The following CAPN11 variants were observed in gnomAD, a reference collection of about 807,000 sequenced individuals.
CAPN11 encodes calpain 11.
Under a neutral mutation model 105.3 loss-of-function variants are expected in CAPN11, and 108 were observed. The observed-to-expected ratio is 1.03, with a 90% CI of 0.88 to 1.20. CAPN11 has a LOEUF of 1.20. Among genes scored for constraint, CAPN11 ranks in the 50% most tolerant of loss-of-function variants. CAPN11 has a pLI of 0.00. For synonymous variants in CAPN11, 329 were observed against 344.5 expected (o/e 0.96, Z 0.50); for missense variants, 883 against 924.8 (o/e 0.95, Z 0.59).
Position 44,180,913 on chromosome 6 carries a change from A to G in CAPN11, c.1805-20A>G. On this transcript the variant is annotated intron_variant, in intron 17 of 22. Coordinates refer to ENST00000398776, the MANE Select transcript of CAPN11 (RefSeq NM_007058.4). ...CTCATTTACCCTGTCTCTCCTTTCTACCCCTTCCCTTCCTCACAGTCAAAA... is the reference window on the plus strand; with the variant it reads ...CTCATTTACCCTGTCTCTCCTTTCTGCCCCTTCCCTTCCTCACAGTCAAAA... 6.2e-7 allele frequency: 1 copy of G among 1,610,988 alleles called. No individual in the cohort carries two copies. The highest frequency in any genetic ancestry group is 1.1e-5 in the South Asian group (1 of 90,974).
intron 11 of CAPN11, 50 bp downstream of exon 11, chr6:44,177,048 C>A (rs751926360): frequency 1.3e-6 from 2 of 1,576,144 alleles, no homozygotes; most frequent in African/African-American, 1.3e-5. Context: ...GAAGGATGGG[C>A]CACGGCTCAC....
chr6:44,173,398 A>G lies in CAPN11; in HGVS notation c.831+12A>G, dbSNP rs1448093112. 17 of 1,575,426 alleles carry G rather than the reference A, an allele frequency of 1.1e-5. No individual in the cohort carries two copies. Among genetic ancestry groups the G allele is most frequent in the Non-Finnish European group, 1.4e-5 (16 of 1,154,524 alleles). On this transcript the variant is annotated intron_variant, in intron 7 of 22. Transcript: ENST00000398776. ...GTTGCTCCATTGAAGTAAGCAAAGC[A>G]TGGTCCCACCTCAGGGCCTTTGCAC... is the stretch of plus-strand genomic sequence containing the variant.
intron 1 of CAPN11, among the ~76,000 whole-genome samples, chr6:44,163,464 C>T (rs1457607715): frequency 6.6e-6 from 1 of 152,214 alleles, no homozygotes; most frequent in African/African-American, 2.4e-5. Flanking sequence ...ATGGCGACCT[C>T]CCAGCAAGGC....
At position 44,169,306 on chromosome 6, in the gene CAPN11, G is replaced by T; in HGVS notation, c.114G>T (p.Met38Ile). The T allele has an allele frequency of 1.2e-6, 2 of 1,611,702 alleles. No individual in the cohort carries two copies. The highest frequency in any genetic ancestry group is 1.7e-6 in the Non-Finnish European group (2 of 1,179,030). ...CAEPTFTDTG[M>I]VAHINNSRLK... Reference sequence around the variant, plus strand: ...AGCCCACTTTTACTGATACGGGAATGGTGGCTCACATAAACAACAGCCGGC... The same window carrying T: ...AGCCCACTTTTACTGATACGGGAATTGTGGCTCACATAAACAACAGCCGGC... The change falls in exon 3 of 23, where the codon ATG becomes ATT. Residue 38 changes from methionine (M) to isoleucine (I), a missense_variant. Physicochemically the swap from Met to Ile is conservative, Grantham distance 10. Coordinates refer to ENST00000398776, the MANE Select transcript of CAPN11 (RefSeq NM_007058.4).
intron 7 of CAPN11, among the ~76,000 whole-genome samples, chr6:44,175,282 C>A (rs1771775664): frequency 6.6e-6 from 1 of 152,138 alleles, no homozygotes; most frequent in African/African-American, 2.4e-5. Flanking sequence ...AAGTTTGAGA[C>A]AAGCCTGGGC....
rs1772160456 is a variant in CAPN11, at chr6:44,177,012, G to A, written c.1237+14G>A. 1 of 1,609,164 alleles carries A rather than the reference G, an allele frequency of 6.2e-7. No homozygotes were observed. The highest frequency in any genetic ancestry group is 8.5e-7 in the Non-Finnish European group (1 of 1,178,212). Reference sequence around the variant, plus strand: ...GGAACCACCCTGGTGGGTGAGGGGTGAGAGGGGAGGGGGTGTGCAGGGAGT... The same window carrying A: ...GGAACCACCCTGGTGGGTGAGGGGTAAGAGGGGAGGGGGTGTGCAGGGAGT... On this transcript the variant is annotated intron_variant, in intron 11 of 22. Transcript: ENST00000398776.
intron 7 of CAPN11, among the ~76,000 whole-genome samples, chr6:44,174,408 T>C (rs979298145): frequency 2.2e-4 from 33 of 151,380 alleles, no homozygotes; most frequent in African/African-American, 7.8e-4. Flanking sequence ...CCAGGTGCAG[T>C]GGCTCATGCC....
At chr6:44,172,082 A>G (rs980180211) in intron 4 of CAPN11, among the ~76,000 whole-genome samples, 8 of 152,190 alleles carry the variant, frequency 5.3e-5, no homozygotes, top group African/African-American at 1.9e-4. Context: ...GAAAATGTAC[A>G]GAAACTCACC....
intron 1 of CAPN11, among the ~76,000 whole-genome samples, chr6:44,165,570 A>T (rs1195932913): frequency 6.6e-6 from 1 of 152,204 alleles, no homozygotes; most frequent in Middle Eastern, 3.2e-3. Flanking sequence ...ACATAGTGAC[A>T]GGGTCTGGGA....
rs770646536 is a variant in CAPN11, at chr6:44,169,432, C to T, written c.240C>T (p.Phe80=). The T allele has an allele frequency of 1.2e-5, 19 of 1,613,204 alleles. No homozygotes were observed. Among genetic ancestry groups the T allele is most frequent in the East Asian group, 2.2e-5 (1 of 44,884 alleles). The change falls in exon 3 of 23, where the codon TTC becomes TTT. Residue 80 remains phenylalanine, a synonymous_variant. Transcript: ENST00000398776. ...CCTGTCTAAGAAAGGGGGAGCTCTT[C>T]GAGGACCCCTTATTCCCTGCTGAAC... ...RAACLRKGEL[F]EDPLFPAEPS...
At chr6:44,170,563 A>G (rs1168126403) in intron 4 of CAPN11, among the ~76,000 whole-genome samples, 1 of 152,194 alleles carries the variant, frequency 6.6e-6, no homozygotes, top group Non-Finnish European at 1.5e-5. Flanking sequence ...GAGTTATCTA[A>G]GAGAGAGGAC....
Position 44,173,213 on chromosome 6 carries a change from C to T in CAPN11, c.663-5C>T, listed in dbSNP as rs1420538430. On this transcript the variant is annotated splice_region_variant and splice_polypyrimidine_tract_variant and intron_variant, in intron 6 of 22. Transcript: ENST00000398776. ...AGCCCAACAGTGCCTTCTCTGTGCCCACAGGCTGAGTGGGTCCTATGAAGC... is the reference window on the plus strand; with the variant it reads ...AGCCCAACAGTGCCTTCTCTGTGCCTACAGGCTGAGTGGGTCCTATGAAGC... 6 of 1,613,616 alleles carry T rather than the reference C, an allele frequency of 3.7e-6. No homozygotes were observed. The African/African-American group carries it at 8.0e-5, about 22-fold the overall frequency.
rs773684330 is a variant in CAPN11 at position 44,177,367 on chromosome 6, C to T, written c.1363C>T (p.His455Tyr). 8.1e-6 allele frequency: 13 copies of T among 1,613,792 alleles called. No homozygotes were observed. The African/African-American group carries it at 1.7e-4, about 22-fold the overall frequency. Residue 455 changes from histidine to tyrosine, a missense_variant, in exon 12 of 23, where the codon CAT becomes TAT. Physicochemically the swap from His to Tyr is moderately conservative, Grantham distance 83. Transcript: ENST00000398776. Reference protein sequence around the residue: ...LVALMQKNWRHARQQGAQLQT... With the variant: ...LVALMQKNWRYARQQGAQLQT... ...GGCCCTAATGCAGAAGAACTGGCGG[C>T]ATGCACGGCAGCAGGGAGCCCAGCT...
intron 5 of CAPN11, 50 bp from the exon 6 acceptor site, chr6:44,172,890 C>G: frequency 1.3e-6 from 2 of 1,591,482 alleles, no homozygotes; most frequent in Non-Finnish European, 1.7e-6. Context: ...CACTAGGAGG[C>G]GCTTGATGAT....
chr6:44,169,511 A>G lies in CAPN11; in HGVS notation c.319A>G (p.Ile107Val), dbSNP rs1359695779. 2.5e-6 allele frequency: 4 copies of G among 1,589,294 alleles called. No individual in the cohort carries two copies. Among genetic ancestry groups the G allele is most frequent in the Non-Finnish European group, 3.4e-6 (4 of 1,167,900 alleles). ...LGPNSKNVQN[I>V]SWQRPKDIIN... ...CCCCAACTCCAAAAATGTGCAGAAC[A>G]TCTCCTGGCAGCGGCCCAAGGTGGG... is the stretch of plus-strand genomic sequence containing the variant. The change falls in exon 3 of 23, where the codon ATC becomes GTC. Residue 107 changes from isoleucine (I) to valine (V), a missense_variant. Ile to Val is a conservative substitution (Grantham distance 29). Coordinates refer to ENST00000398776, the MANE Select transcript of CAPN11 (RefSeq NM_007058.4).
rs1471773446 is a variant in CAPN11, at chr6:44,183,415, T to A, written c.2134+180T>A. 4.9e-6 allele frequency: 3 copies of A among 616,904 alleles called. No individual in the cohort carries two copies. The African/African-American group carries it at 5.5e-5, about 11-fold the overall frequency. 38.2% of individuals were successfully genotyped at this position (616,904 alleles called of 1,614,324 possible). A position where few individuals can be genotyped will look rare whatever the true frequency, so the allele number is the denominator to read the frequency against. On this transcript the variant is annotated intron_variant, in intron 21 of 22. Coordinates refer to ENST00000398776, the MANE Select transcript of CAPN11 (RefSeq NM_007058.4). ...GGTGACTTGAGCAAGTCACTTAATCTTTCTGTGCCTCCATTCCCTCCTCTT... is the reference window on the plus strand; with the variant it reads ...GGTGACTTGAGCAAGTCACTTAATCATTCTGTGCCTCCATTCCCTCCTCTT...
Position 44,184,111 on chromosome 6 carries a change from C to T in CAPN11, c.*179C>T. ...TACTGCAGCAGTGGGACCTCCGTGC[C>T]CACTCCCCCAGCTCAGAGGCTTTCT... On this transcript the variant is annotated 3_prime_UTR_variant, in exon 23 of 23. Transcript: ENST00000398776. 1 of 633,580 alleles carries T rather than the reference C, an allele frequency of 1.6e-6. No homozygotes were observed. The highest frequency in any genetic ancestry group is 2.7e-5 in the East Asian group (1 of 36,486). The allele number at this position is 633,580 out of a possible 1,614,324, so 39.2% of individuals were successfully genotyped here.
intron 11 of CAPN11, 21 bp downstream of exon 11, chr6:44,177,019 G>T: frequency 6.2e-7 from 1 of 1,609,058 alleles, no homozygotes. Context: ...GGTGAGAGGG[G>T]AGGGGGTGTG....
rs1251384706 is a variant in CAPN11 at position 44,169,611 on chromosome 6, A to G, written c.339+80A>G. 8 of 1,374,892 alleles carry G rather than the reference A, an allele frequency of 5.8e-6. No homozygotes were observed. In the East Asian group the frequency reaches 1.3e-4, roughly 22 times the overall value. The allele number at this position is 1,374,892 out of a possible 1,614,324, so 85.2% of individuals were successfully genotyped here. On this transcript the variant is annotated intron_variant, in intron 3 of 22. Transcript: ENST00000398776. ...CCCTCTATCACTTTTAGAATCTTCA[A>G]TCTTCAACCCCCCACTACCCCATTC...
Sources: gnomAD v4.1 joint callset for allele counts (sites outside exome capture counted in the v4.1 genomes callset) on GRCh38, gnomAD v4.1.1 for gene constraint, MANE v1.5 for transcripts, NCBI Gene and HGNC (gene_info 2026-07-23, HGNC 2026-07-21) for gene names.